LHFPL3: variants seen among roughly 807,000 people sequenced by gnomAD.
LHFPL3 encodes the protein LHFPL tetraspan subfamily member 3, also known as LHFPL tetraspan subfamily member 3 protein.
LHFPL3 carries 5 observed loss-of-function variants against 19.3 expected under a neutral mutation model. That is an observed-to-expected ratio of 0.26 (90% CI 0.14 to 0.54). The LOEUF is 0.54. LHFPL3 is among the 20% of genes least tolerant of loss of function. The pLI is 0.94. For synonymous variants in LHFPL3, 133 were observed against 126.2 expected, an observed-to-expected ratio of 1.05 and a Z score of -0.36; for missense variants, 249 against 307.4, an observed-to-expected ratio of 0.81 and a Z score of 1.42.
At chr7:104,487,183 T>C (rs2115678333) in intron 1 of LHFPL3, among the ~76,000 whole-genome samples, 1 of 152,338 alleles carries the variant, frequency 6.6e-6, no homozygotes, top group Admixed American at 6.5e-5. Context: ...AGTTTTATCA[T>C]AGGCCAATTG....
chr7:104,598,189 G>A (rs1790900013), intron 1 of LHFPL3, among the ~76,000 whole-genome samples: 1 of 152,138 alleles, frequency 6.6e-6, no homozygotes, highest in South Asian at 2.1e-4. Flanking sequence ...TTAATTGAAA[G>A]GGACTAGCAA....
intron 1 of LHFPL3, among the ~76,000 whole-genome samples, chr7:104,469,811 C>T (rs900216663): frequency 6.6e-6 from 1 of 152,026 alleles, no homozygotes; most frequent in African/African-American, 2.4e-5. Flanking sequence ...GTTGGTTAGA[C>T]AAAGGTAACA....
At chr7:104,595,320 G>T (rs187469622) in intron 1 of LHFPL3, among the ~76,000 whole-genome samples, 6 of 152,316 alleles carry the variant, frequency 3.9e-5, no homozygotes, top group South Asian at 4.2e-4. Flanking sequence ...GTCTGTTGGA[G>T]TTTGCTGGAG....
At chr7:104,476,340 G>T (rs1408272447) in intron 1 of LHFPL3, among the ~76,000 whole-genome samples, 1 of 152,142 alleles carries the variant, frequency 6.6e-6, no homozygotes, top group East Asian at 1.9e-4. Flanking sequence ...GTTCTTGACT[G>T]TTGTTGCCTC....
chr7:104,726,724 G>A (rs991773778), intron 1 of LHFPL3, among the ~76,000 whole-genome samples: 6 of 152,078 alleles, frequency 3.9e-5, no homozygotes, highest in African/African-American at 7.2e-5. Context: ...TCTTTATCCA[G>A]TCTATCATTA....
At chr7:104,351,749 T>C (rs934267706) in intron 1 of LHFPL3, among the ~76,000 whole-genome samples, 2 of 152,228 alleles carry the variant, frequency 1.3e-5, no homozygotes, top group Non-Finnish European at 2.9e-5. Flanking sequence ...TCTATAAAGA[T>C]AAATTCAACC....
Position 104,606,812 on chromosome 7 carries a change from G to A in LHFPL3, c.446-129863G>A, listed in dbSNP as rs925885328. On this transcript the variant is annotated intron_variant, in intron 1 of 2. Transcript: ENST00000424859. ...GTGGGCAGGGGTCTAGGGTATAGGT[G>A]CCACTGATTGGTTAGGGATGAAACC... Among the ~76,000 whole-genome samples, 3 of 152,258 alleles carry A rather than the reference G, an allele frequency of 2.0e-5. No individual in the cohort carries two copies. In the South Asian group the frequency reaches 6.2e-4, roughly 32 times the overall value.
At chr7:104,841,802 C>A (rs189238533) in intron 2 of LHFPL3, among the ~76,000 whole-genome samples, 72 of 152,200 alleles carry the variant, frequency 4.7e-4, no homozygotes, top group African/African-American at 1.7e-3. Context: ...GAGAGTAGGG[C>A]ATGTTATACT....
chr7:104,641,229 A>G (rs1238655039), intron 1 of LHFPL3, among the ~76,000 whole-genome samples: 1 of 152,232 alleles, frequency 6.6e-6, no homozygotes, highest in Non-Finnish European at 1.5e-5. Flanking sequence ...TACATCAGGC[A>G]TTACTTTTGC....
intron 1 of LHFPL3, among the ~76,000 whole-genome samples, chr7:104,440,091 T>C (rs913359654): frequency 4.0e-5 from 6 of 150,614 alleles, no homozygotes; most frequent in South Asian, 4.2e-4. Flanking sequence ...GATGAGTTAA[T>C]GGGTGCAGCA....
chr7:104,510,154 T>C (rs1793782320), intron 1 of LHFPL3, among the ~76,000 whole-genome samples: 1 of 152,134 alleles, frequency 6.6e-6, no homozygotes, highest in South Asian at 2.1e-4. Context: ...GAGTTATTCT[T>C]TCCCAAATTG....
chr7:104,492,421 A>G (rs1052094722), intron 1 of LHFPL3, among the ~76,000 whole-genome samples: 1 of 152,232 alleles, frequency 6.6e-6, no homozygotes, highest in African/African-American at 2.4e-5. Flanking sequence ...TATCTCTCGA[A>G]TGGATCTGTT....
At chr7:104,602,743 T>C (rs577387071) in intron 1 of LHFPL3, among the ~76,000 whole-genome samples, 1 of 152,340 alleles carries the variant, frequency 6.6e-6, no homozygotes, top group Admixed American at 6.5e-5. Flanking sequence ...TAATGTATCT[T>C]AAACAGAAAT....
chr7:104,839,788 T>C (rs745995135), intron 2 of LHFPL3, among the ~76,000 whole-genome samples: 1 of 152,230 alleles, frequency 6.6e-6, no homozygotes, highest in Non-Finnish European at 1.5e-5. Flanking sequence ...AGAGGGTAGG[T>C]TGGCTATATT....
chr7:104,778,199 C>T (rs183861623), intron 2 of LHFPL3, among the ~76,000 whole-genome samples: 152 of 152,250 alleles, frequency 1.0e-3, no homozygotes, highest in African/African-American at 2.8e-3. Context: ...AGATTGAGTG[C>T]GATTTAGATT....
At chr7:104,487,761 A>T (rs1348537245) in intron 1 of LHFPL3, among the ~76,000 whole-genome samples, 3 of 152,182 alleles carry the variant, frequency 2.0e-5, no homozygotes, top group African/African-American at 7.2e-5. Flanking sequence ...TCACTTTCTG[A>T]ATCCTTGCAT....
At chr7:104,526,709 A>G (rs887692550) in intron 1 of LHFPL3, among the ~76,000 whole-genome samples, 1 of 152,236 alleles carries the variant, frequency 6.6e-6, no homozygotes, top group Non-Finnish European at 1.5e-5. Flanking sequence ...AGCAAAGGCT[A>G]GGAAACAATC....
At chr7:104,727,160 A>T (rs1793607302) in intron 1 of LHFPL3, among the ~76,000 whole-genome samples, 1 of 152,146 alleles carries the variant, frequency 6.6e-6, no homozygotes, top group Non-Finnish European at 1.5e-5. Context: ...TCCTTTGCCC[A>T]CTTTTTAATT....
chr7:104,899,104 AAT>A (rs34311079), intron 2 of LHFPL3, among the ~76,000 whole-genome samples: 42 of 148,180 alleles, frequency 2.8e-4, no homozygotes, highest in Non-Finnish European at 2.8e-4. Flanking sequence ...CCCCATCTCT[AAT>A]ATATATATAT....
Sources: gnomAD v4.1 joint callset for allele counts (sites outside exome capture counted in the v4.1 genomes callset) on GRCh38, gnomAD v4.1.1 for gene constraint, MANE v1.5 for transcripts, NCBI Gene and HGNC (gene_info 2026-07-23, HGNC 2026-07-21) for gene names.